Variants in TBC1D32 observed in about 807,000 individuals in gnomAD.
TBC1D32 encodes the protein TBC1 domain family member 32.
A neutral mutation model predicts 170.3 loss-of-function variants in TBC1D32; 151 were observed. That is an observed-to-expected ratio of 0.89 (90% CI 0.78 to 1.01). TBC1D32 has a LOEUF of 1.01. Among genes scored for constraint, TBC1D32 ranks in the 50% least tolerant of loss-of-function variants. The pLI is 0.00. For synonymous variants in TBC1D32, 498 were observed against 488.0 expected (o/e 1.02, Z -0.27); for missense variants, 1,464 against 1,457.1 (o/e 1.00, Z -0.08).
intron 31 of TBC1D32, among the ~76,000 whole-genome samples, chr6:121,083,112 G>A (rs545295603): frequency 6.6e-6 from 1 of 151,730 alleles, no homozygotes; most frequent in African/African-American, 2.4e-5. Flanking sequence ...CCAGCTTATC[G>A]TTCAAGTTGT....
chr6:121,311,420 T>G (rs1001575558), intron 3 of TBC1D32, among the ~76,000 whole-genome samples: 1 of 152,088 alleles, frequency 6.6e-6, no homozygotes, highest in Non-Finnish European at 1.5e-5. Context: ...ATCTAAAACT[T>G]CATCTGAAAA....
intron 21 of TBC1D32, 78 bp from the exon 22 acceptor site, chr6:121,205,241 G>A (rs1792095176): frequency 4.4e-6 from 3 of 675,688 alleles, no homozygotes; most frequent in Middle Eastern, 5.3e-4. Context: ...AATTTATTTA[G>A]ATTTGTGGCT....
chr6:121,097,681 T>A (rs1201732780), intron 30 of TBC1D32, among the ~76,000 whole-genome samples: 1 of 152,124 alleles, frequency 6.6e-6, no homozygotes, highest in Non-Finnish European at 1.5e-5. Flanking sequence ...GACCCAGCCA[T>A]CCCATTACTG....
At chr6:121,255,834 A>T (rs898964208) in intron 16 of TBC1D32, among the ~76,000 whole-genome samples, 1 of 152,126 alleles carries the variant, frequency 6.6e-6, no homozygotes, top group Admixed American at 6.6e-5. Flanking sequence ...ATTAACCTAA[A>T]GCCTCATCTA....
chr6:121,273,595 C>T (rs1426619499), intron 15 of TBC1D32, among the ~76,000 whole-genome samples: 1 of 151,326 alleles, frequency 6.6e-6, no homozygotes, highest in Non-Finnish European at 1.5e-5. Flanking sequence ...ATGTAAAAAA[C>T]CTGCACATTG....
chr6:121,125,629 C>T (rs886805887), intron 26 of TBC1D32, among the ~76,000 whole-genome samples: 2 of 152,088 alleles, frequency 1.3e-5, no homozygotes, highest in Non-Finnish European at 2.9e-5. Flanking sequence ...GCCTATCATG[C>T]TGGCTCAGAT....
At chr6:121,217,384 T>C (rs1194565345) in intron 21 of TBC1D32, among the ~76,000 whole-genome samples, 1 of 152,178 alleles carries the variant, frequency 6.6e-6, no homozygotes, top group Non-Finnish European at 1.5e-5. Context: ...AGAACATGGA[T>C]AAGGTGAGAC....
intron 31 of TBC1D32, among the ~76,000 whole-genome samples, chr6:121,087,609 A>G (rs972525489): frequency 1.2e-4 from 19 of 152,244 alleles, no homozygotes; most frequent in Non-Finnish European, 2.4e-4. Flanking sequence ...AACTGAAAGT[A>G]TAACATATTT....
chr6:121,236,364 A>C (rs1796328440), intron 20 of TBC1D32, among the ~76,000 whole-genome samples: 1 of 152,158 alleles, frequency 6.6e-6, no homozygotes. Flanking sequence ...GTATAGCTGC[A>C]TAGGGCAATT....
In TBC1D32 at chr6:121,255,396, T is replaced by G. The variant is rs1798828319; in HGVS notation, c.1950A>C (p.Ser650=). 6.7e-7 allele frequency: 1 copy of G among 1,492,974 alleles called. No homozygotes were observed. Among genetic ancestry groups the G allele is most frequent in the Non-Finnish European group, 8.9e-7 (1 of 1,124,040 alleles). The allele number at this position is 1,492,974 out of a possible 1,614,324, so 92.5% of individuals were successfully genotyped here. A position where few individuals can be genotyped will look rare whatever the true frequency, so the allele number is the denominator to read the frequency against. ...CCTCTACTGGAGTAGGAATTCTTTC[T>G]GATAGCAAACTTGTCTAAAAAATAG... The part of the protein sequence containing the change: ...AKAWKKTSLL[S]ERIPTPVEGS... Residue 650 remains serine, a synonymous_variant, in exon 17 of 32, where the codon TCA becomes TCC. Transcript: ENST00000398212.
intron 19 of TBC1D32, among the ~76,000 whole-genome samples, chr6:121,239,597 A>G (rs1044090551): frequency 6.6e-6 from 1 of 152,108 alleles, no homozygotes; most frequent in Non-Finnish European, 1.5e-5. Flanking sequence ...GGAGAGAAAG[A>G]GGTAACAGGA....
intron 20 of TBC1D32, among the ~76,000 whole-genome samples, chr6:121,226,774 G>A (rs1258065964): frequency 6.6e-6 from 1 of 152,130 alleles, no homozygotes; most frequent in African/African-American, 2.4e-5. Flanking sequence ...AGGGGAGAAG[G>A]AAGACTGAAT....
At chr6:121,298,179 G>C (rs150354493) in intron 10 of TBC1D32, among the ~76,000 whole-genome samples, 5 of 151,976 alleles carry the variant, frequency 3.3e-5, no homozygotes, top group African/African-American at 1.2e-4. Flanking sequence ...TTGATATTTT[G>C]TAAATGTAGG....
intron 22 of TBC1D32, among the ~76,000 whole-genome samples, chr6:121,188,580 T>C (rs1427931801): frequency 1.3e-5 from 2 of 151,750 alleles, no homozygotes; most frequent in East Asian, 1.9e-4. Flanking sequence ...CAAATCAAGA[T>C]AGTGTAAGCG....
At chr6:121,306,591 T>C (rs975848655) in intron 5 of TBC1D32, among the ~76,000 whole-genome samples, 3 of 152,228 alleles carry the variant, frequency 2.0e-5, no homozygotes, top group Non-Finnish European at 4.4e-5. Flanking sequence ...TTCACTGATA[T>C]ATCAATTAGG....
chr6:121,154,070 C>T (rs967493506), intron 24 of TBC1D32, among the ~76,000 whole-genome samples: 1 of 149,832 alleles, frequency 6.7e-6, no homozygotes, highest in Non-Finnish European at 1.5e-5. Context: ...CTGCACCTAG[C>T]TTGGTGTCTG....
At chr6:121,180,884 A>T (rs569550161) in intron 22 of TBC1D32, among the ~76,000 whole-genome samples, 1 of 152,168 alleles carries the variant, frequency 6.6e-6, no homozygotes, top group East Asian at 1.9e-4. Flanking sequence ...CAACTCAGTA[A>T]CAAATAATGA....
Position 121,150,223 on chromosome 6 carries a change from G to A in TBC1D32, c.2773+9787C>T, listed in dbSNP as rs147915882. Among the ~76,000 whole-genome samples the A allele has an allele frequency of 4.9e-3, 742 of 152,284 alleles. 6 individuals carry two copies. The highest frequency in any genetic ancestry group is 0.017 in the African/African-American group (705 of 41,540). On this transcript the variant is annotated intron_variant, in intron 24 of 31. Coordinates refer to ENST00000398212, the MANE Select transcript of TBC1D32 (RefSeq NM_152730.6). ...GTTTATTAAAAGTTTTTAGCATGAA[G>A]GGGTGTTGCATTTTATCAGACTTTC...
intron 15 of TBC1D32, among the ~76,000 whole-genome samples, chr6:121,278,745 T>C (rs1478504783): frequency 6.6e-6 from 1 of 152,100 alleles, no homozygotes; most frequent in East Asian, 1.9e-4. Flanking sequence ...TGTAGGTTTG[T>C]CTGATTATAA....
Sources: gnomAD v4.1 joint callset for allele counts (sites outside exome capture counted in the v4.1 genomes callset) on GRCh38, gnomAD v4.1.1 for gene constraint, MANE v1.5 for transcripts, NCBI Gene and HGNC (gene_info 2026-07-23, HGNC 2026-07-21) for gene names.